The following NFIL3 variants were observed in gnomAD, a reference collection of about 807,000 sequenced individuals.
NFIL3 encodes nuclear factor, interleukin 3 regulated, also known as nuclear factor interleukin-3-regulated protein.
A neutral mutation model predicts 10.0 loss-of-function variants in NFIL3; 5 were observed. That is an observed-to-expected ratio of 0.50 (90% CI 0.26 to 1.06). NFIL3 has a LOEUF of 1.06. Ranked by LOEUF, NFIL3 falls within the 50% of genes least tolerant of loss-of-function variation. The pLI is 0.13. For missense variants in NFIL3, 436 were observed against 547.6 expected, an observed-to-expected ratio of 0.80 and a Z score of 2.03; for synonymous variants, 202 against 206.5, an observed-to-expected ratio of 0.98 and a Z score of 0.19.
At chr9:91,430,498 C>T in the NFIL3 span, among the ~76,000 whole-genome samples, 5 of 152,084 alleles carry the variant, frequency 3.3e-5, no homozygotes, top group African/African-American at 4.8e-5. Flanking sequence ...AAGCATAACT[C>T]GAATACTGTC....
the NFIL3 span, among the ~76,000 whole-genome samples, chr9:91,478,081 AT>A: frequency 6.6e-6 from 1 of 151,662 alleles, no homozygotes; most frequent in Non-Finnish European, 1.5e-5. Flanking sequence ...TGCCCTTAAC[AT>A]TTTTTCCTTC....
chr9:91,440,061 A>C, the NFIL3 span, among the ~76,000 whole-genome samples: 1 of 151,984 alleles, frequency 6.6e-6, no homozygotes, highest in Non-Finnish European at 1.5e-5. Flanking sequence ...CTGTAGCCCT[A>C]TTTTTTGGAA....
intron 1 of NFIL3, among the ~76,000 whole-genome samples, chr9:91,419,366 G>C (rs578074195): frequency 6.6e-6 from 1 of 152,256 alleles, no homozygotes; most frequent in Admixed American, 6.5e-5. Context: ...AATGACCAAG[G>C]CAAGGTCAAC....
upstream of NFIL3, chr9:91,426,382 A>G (rs1833874304): frequency 6.6e-6 from 1 of 152,194 alleles, no homozygotes; most frequent in Non-Finnish European, 1.5e-5. Context: ...ATATCCTAGA[A>G]CATTCACAGA....
intron 1 of NFIL3, among the ~76,000 whole-genome samples, chr9:91,421,901 A>T (rs1337211935): frequency 6.6e-6 from 1 of 152,250 alleles, no homozygotes; most frequent in Non-Finnish European, 1.5e-5. Flanking sequence ...TCACTATGTA[A>T]CAGTCCAGGA....
At chr9:91,449,692 C>T in the NFIL3 span, among the ~76,000 whole-genome samples, 1 of 151,970 alleles carries the variant, frequency 6.6e-6, no homozygotes, top group Non-Finnish European at 1.5e-5. Flanking sequence ...TTTTATCTGA[C>T]TTTGATATCA....
chr9:91,425,005 C>G (rs541653581), upstream of NFIL3, among the ~76,000 whole-genome samples: 3 of 152,300 alleles, frequency 2.0e-5, no homozygotes, highest in African/African-American at 7.2e-5. Flanking sequence ...CCTGCGTTTA[C>G]CGATACACGG....
chr9:91,461,168 T>C, the NFIL3 span, among the ~76,000 whole-genome samples: 1 of 152,218 alleles, frequency 6.6e-6, no homozygotes, highest in Non-Finnish European at 1.5e-5. Context: ...ACCTTGTTTG[T>C]AGAGCCAACC....
At position 91,409,779 on chromosome 9, in the gene NFIL3, T is replaced by C. The variant is rs1367089646; in HGVS notation, c.956A>G (p.Asn319Ser). The C allele has an allele frequency of 6.2e-7, 1 of 1,614,242 alleles. No homozygotes were observed. The highest frequency in any genetic ancestry group is 1.1e-5 in the South Asian group (1 of 91,090). The change falls in exon 2 of 2, where the codon AAT (asparagine) becomes AGT (serine). Residue 319 changes from asparagine to serine, a missense_variant. By Grantham distance (46) the Asn-to-Ser change is conservative. Coordinates refer to ENST00000297689, the MANE Select transcript of NFIL3 (RefSeq NM_005384.3). ...GAGCTTGTGTGGCAAGGCAGAGGAA[T>C]TCACTTCTGGAACTTTAACCACAGT... is the stretch of plus-strand genomic sequence containing the variant. ...HATVVKVPEV[N>S]SSALPHKLRI...
Position 91,409,944 on chromosome 9 carries a change from A to G in NFIL3, c.791T>C (p.Val264Ala). Reference protein sequence around the residue: ...GYSHSPPLLQVNRSSSNSPRT... With the variant: ...GYSHSPPLLQANRSSSNSPRT... ...CGGGGAGTTGCTGGAGGATCGGTTG[A>G]CTTGCAGTAGTGGGGGAGAGTGTGA... The change falls in exon 2 of 2, where the codon GTC (valine) becomes GCC (alanine). Residue 264 changes from valine to alanine, a missense_variant. Transcript: ENST00000297689. The G allele has an allele frequency of 1.2e-6, 2 of 1,613,796 alleles. No homozygotes were observed. The highest frequency in any genetic ancestry group is 1.7e-6 in the Non-Finnish European group (2 of 1,179,994).
chr9:91,476,119 T>C, the NFIL3 span, among the ~76,000 whole-genome samples: 1 of 152,202 alleles, frequency 6.6e-6, no homozygotes, highest in African/African-American at 2.4e-5. Flanking sequence ...TGTTTGAGCA[T>C]GGAAGATAAT....
the NFIL3 span, among the ~76,000 whole-genome samples, chr9:91,435,705 G>A: frequency 6.6e-6 from 1 of 152,212 alleles, no homozygotes; most frequent in Admixed American, 6.5e-5. Context: ...ATTCTATTCT[G>A]TGACAGTGGT....
chr9:91,481,268 A>G, the NFIL3 span, among the ~76,000 whole-genome samples: 1 of 152,114 alleles, frequency 6.6e-6, no homozygotes, highest in Non-Finnish European at 1.5e-5. Context: ...CATAGATAAA[A>G]AAATGGGAAA....
chr9:91,454,416 C>T, the NFIL3 span, among the ~76,000 whole-genome samples: 49 of 151,596 alleles, frequency 3.2e-4, no homozygotes, highest in South Asian at 1.5e-3. Flanking sequence ...GAATTTTTGA[C>T]TCTGAAAAAA....
chr9:91,449,407 A>G, the NFIL3 span, among the ~76,000 whole-genome samples: 2 of 152,112 alleles, frequency 1.3e-5, no homozygotes, highest in Non-Finnish European at 2.9e-5. Flanking sequence ...AGTTATTTTT[A>G]TCATAAAAAA....
At chr9:91,442,957 C>A in the NFIL3 span, among the ~76,000 whole-genome samples, 91 of 152,240 alleles carry the variant, frequency 6.0e-4, 1 homozygote, top group East Asian at 0.015. Flanking sequence ...AAGTTCTTGT[C>A]CCACATCCAG....
chr9:91,432,468 C>T, the NFIL3 span, among the ~76,000 whole-genome samples: 2 of 152,176 alleles, frequency 1.3e-5, no homozygotes, highest in East Asian at 1.9e-4. Context: ...CAATTTCTTT[C>T]GGAACCTGTC....
At chr9:91,481,446 G>C in the NFIL3 span, among the ~76,000 whole-genome samples, 34 of 152,144 alleles carry the variant, frequency 2.2e-4, no homozygotes, top group African/African-American at 8.2e-4. Flanking sequence ...CATGTAAATA[G>C]TTATAATTCT....
the NFIL3 span, among the ~76,000 whole-genome samples, chr9:91,429,021 G>A: frequency 1.3e-5 from 2 of 152,320 alleles, no homozygotes; most frequent in South Asian, 4.1e-4. Context: ...CACTCAGCCA[G>A]CAACTGGAAC....
Sources: gnomAD v4.1 joint callset for allele counts (sites outside exome capture counted in the v4.1 genomes callset) on GRCh38, gnomAD v4.1.1 for gene constraint, MANE v1.5 for transcripts, NCBI Gene and HGNC (gene_info 2026-07-23, HGNC 2026-07-21) for gene names.